Variants in CYP4F2 observed in about 807,000 individuals in gnomAD.
The protein encoded by CYP4F2 is cytochrome P450 family 4 subfamily F member 2.
In CYP4F2, 58 loss-of-function variants were observed where a neutral mutation model predicts 58.9. That is an observed-to-expected ratio of 0.98 (90% CI 0.80 to 1.23). The LOEUF (loss-of-function observed/expected upper bound fraction) is 1.23, where lower values mean the gene tolerates loss of function less well. CYP4F2 is among the 50% of genes most tolerant of loss of function. The pLI, the probability that CYP4F2 is intolerant of heterozygous loss-of-function variation, is 0.00. For missense variants in CYP4F2, 616 were observed against 685.6 expected (o/e 0.90, Z 1.13); for synonymous variants, 287 against 261.1 (o/e 1.10, Z -0.95).
chr19:15,892,802 C>T (rs1045925044), intron 3 of CYP4F2, among the ~76,000 whole-genome samples: 12 of 152,112 alleles, frequency 7.9e-5, no homozygotes, highest in African/African-American at 2.7e-4. Context: ...CCTAACATGG[C>T]GTGTAGGAGC....
chr19:15,880,381 C>A (rs2089336468), intron 9 of CYP4F2, among the ~76,000 whole-genome samples: 1 of 152,006 alleles, frequency 6.6e-6, no homozygotes, highest in Admixed American at 6.6e-5. Flanking sequence ...GTAATCCCAG[C>A]ACTTTGGGAG....
rs774787794 is a variant in CYP4F2 at position 15,895,506 on chromosome 19, C to G, written c.343G>C (p.Ala115Pro). The change falls in exon 3 of 13, where the codon GCT (alanine) becomes CCT (proline). Residue 115 changes from alanine to proline, a missense_variant and splice_region_variant. Ala to Pro is a conservative substitution (Grantham distance 27). Transcript: ENST00000221700. Reference sequence around the variant, plus strand: ...CCCCACCAGCTGTTCCAGATGGTACCTGAGGCGTTGATGACAGACCGGATG... The same window carrying G: ...CCCCACCAGCTGTTCCAGATGGTACGTGAGGCGTTGATGACAGACCGGATG... ...DIIRSVINAS[A>P]AIAPKDKFFY... 1 of 1,515,498 alleles carries G rather than the reference C, an allele frequency of 6.6e-7. No homozygotes were observed. The highest frequency in any genetic ancestry group is 2.6e-5 in the East Asian group (1 of 38,612). The allele number at this position is 1,515,498 out of a possible 1,614,324, so 93.9% of individuals were successfully genotyped here.
chr19:15,894,552 TC>T (rs1374603496), intron 3 of CYP4F2, among the ~76,000 whole-genome samples: 1 of 152,188 alleles, frequency 6.6e-6, no homozygotes, highest in Non-Finnish European at 1.5e-5. Context: ...GAGACCTGGA[TC>T]CAGCCATGCC....
At chr19:15,893,127 T>C (rs2089426888) in intron 3 of CYP4F2, among the ~76,000 whole-genome samples, 1 of 152,172 alleles carries the variant, frequency 6.6e-6, no homozygotes, top group South Asian at 2.1e-4. Flanking sequence ...ACATACAGGC[T>C]CTGGGTTGAA....
At chr19:15,887,388 A>T (rs4808402) in intron 7 of CYP4F2, among the ~76,000 whole-genome samples, 96,761 of 148,402 alleles carry the variant, frequency 0.65, 31,764 homozygotes, top group South Asian at 0.7. Context: ...ATACACAAAA[A>T]CACAGACTTA....
At chr19:15,886,972 T>A (rs1417610493) in intron 7 of CYP4F2, among the ~76,000 whole-genome samples, 1 of 152,224 alleles carries the variant, frequency 6.6e-6, no homozygotes, top group East Asian at 1.9e-4. Context: ...GACTTGAGGA[T>A]GAAGAGCCAG....
Position 15,897,688 on chromosome 19 carries a change from A to G in CYP4F2, c.-1-76T>C, listed in dbSNP as rs3093099. 9,905 of 1,558,200 alleles carry G rather than the reference A, an allele frequency of 6.4e-3. 453 individuals carry two copies. The African/African-American group carries it at 0.099, about 16-fold the overall frequency. On this transcript the variant is annotated intron_variant, in intron 1 of 12. Coordinates refer to ENST00000221700, the MANE Select transcript of CYP4F2 (RefSeq NM_001082.5). ...CCAGGGACCTCCAGGGACAGTGGAG[A>G]GGCAGGGACGGGCAGTGCCGGAGGT...
rs573072720 is a variant in CYP4F2 at position 15,887,573 on chromosome 19, C to T, written c.919-1265G>A. ...TTAGAAACACAGACACACAAATACA[C>T]GTAAACCTAGACATAGACACAGATA... On this transcript the variant is annotated intron_variant, in intron 7 of 12. Coordinates refer to ENST00000221700, the MANE Select transcript of CYP4F2 (RefSeq NM_001082.5). 4.3e-4 allele frequency among the ~76,000 whole-genome samples: 65 copies of T among 149,892 alleles called. No homozygotes were observed. In the East Asian group the frequency reaches 0.013, roughly 29 times the overall value.
In CYP4F2 at chr19:15,878,214, C is replaced by G. The variant is rs2089317507; in HGVS notation, c.*557G>C. The G allele has an allele frequency of 6.6e-6, 1 of 152,474 alleles. No homozygotes were observed. The highest frequency in any genetic ancestry group is 1.5e-5 in the Non-Finnish European group (1 of 68,260). The allele number at this position is 152,474 out of a possible 1,614,324, so 9.4% of individuals were successfully genotyped here. A position where few individuals can be genotyped will look rare whatever the true frequency, so the allele number is the denominator to read the frequency against. ...ATAGCATTTAGTGCACTCACAGTGT[C>G]GTGCTACCTTCGTCACTATCTAGGT... On this transcript the variant is annotated 3_prime_UTR_variant, in exon 13 of 13. Coordinates refer to ENST00000221700, the MANE Select transcript of CYP4F2 (RefSeq NM_001082.5).
Position 15,879,623 on chromosome 19 carries a change from G to A in CYP4F2, c.1295C>T (p.Ala432Val), listed in dbSNP as rs149904424. Residue 432 changes from alanine (A) to valine (V), a missense_variant, in exon 11 of 13, where the codon GCT becomes GTT. Physicochemically the swap from Ala to Val is moderately conservative, Grantham distance 64. Transcript: ENST00000221700. ...ISVFGTHHNPAVWPDPEVYDP... is the reference protein window; with the variant it reads ...ISVFGTHHNPVVWPDPEVYDP... The stretch of plus-strand genomic sequence containing the variant: ...CCGCACCTCAGGGTCCGGCCACACA[G>A]CTGGGTTGTGATGGGTTCCGAAAAC... 13 of 1,614,022 alleles carry A rather than the reference G, an allele frequency of 8.1e-6. No homozygotes were observed. The highest frequency in any genetic ancestry group is 1.1e-5 in the South Asian group (1 of 91,092).
At chr19:15,882,114 G>A (rs1037997014) in intron 9 of CYP4F2, among the ~76,000 whole-genome samples, 4 of 152,016 alleles carry the variant, frequency 2.6e-5, no homozygotes, top group East Asian at 3.9e-4. Flanking sequence ...GCGTGGTTGC[G>A]GGAGCCTGTA....
At chr19:15,897,987 C>G (rs540794749) in intron 1 of CYP4F2, 39 bp downstream of exon 1, 1 of 245,320 alleles carries the variant, frequency 4.1e-6, no homozygotes, top group Non-Finnish European at 7.8e-6. Context: ...CCATCCCAGG[C>G]CAGGACCCCC....
intron 2 of CYP4F2, 24 bp from the exon 3 acceptor site, chr19:15,895,674 A>C (rs748559152): frequency 2.5e-6 from 4 of 1,582,448 alleles, no homozygotes; most frequent in Non-Finnish European, 3.4e-6. Flanking sequence ...AGGGGTCATT[A>C]CCTTCTGTGA....
intron 7 of CYP4F2, 73 bp from the exon 8 acceptor site, chr19:15,886,381 G>A: frequency 6.4e-7 from 1 of 1,557,830 alleles, no homozygotes; most frequent in Non-Finnish European, 8.8e-7. Flanking sequence ...GGGCTCTTGA[G>A]TCTAATCTGA....
At chr19:15,897,942 C>G in intron 1 of CYP4F2, 84 bp downstream of exon 1, 1 of 301,530 alleles carries the variant, frequency 3.3e-6, no homozygotes, top group Non-Finnish European at 6.3e-6. Flanking sequence ...AGGCCAGCAC[C>G]CAGGAGCTGC....
At chr19:15,889,722 A>G in intron 6 of CYP4F2, 29 bp from the exon 7 acceptor site, 14 of 1,608,928 alleles carry the variant, frequency 8.7e-6, no homozygotes, top group Non-Finnish European at 1.2e-5. Context: ...AAGGGAGGCA[A>G]CAATTTAATA....
chr19:15,883,429 T>C (rs1387440039), intron 9 of CYP4F2, among the ~76,000 whole-genome samples: 2 of 152,098 alleles, frequency 1.3e-5, no homozygotes, highest in Admixed American at 6.5e-5. Context: ...CAATGAGATA[T>C]CATCTCATCC....
chr19:15,886,258 G>T lies in CYP4F2; in HGVS notation c.969C>A (p.Asp323Glu). Residue 323 changes from aspartate to glutamate, a missense_variant, in exon 8 of 13, where the codon GAC (aspartate) becomes GAA (glutamate). Transcript: ENST00000221700. Reference protein sequence around the residue: ...LSDEDIRAEADTFMFEGHDTT... With the variant: ...LSDEDIRAEAETFMFEGHDTT... The stretch of plus-strand genomic sequence containing the variant: ...GGCCCTCACCCTCAAACATAAAGGT[G>T]TCAGCTTCTGCTCTTATGTCCTCAT... 6.2e-7 allele frequency: 1 copy of T among 1,614,044 alleles called. No individual in the cohort carries two copies. Among genetic ancestry groups the T allele is most frequent in the Non-Finnish European group, 8.5e-7 (1 of 1,180,014 alleles).
chr19:15,883,038 G>C (rs2089354733), intron 9 of CYP4F2, among the ~76,000 whole-genome samples: 1 of 152,066 alleles, frequency 6.6e-6, no homozygotes, highest in Non-Finnish European at 1.5e-5. Context: ...TTGAAATCTG[G>C]ATTTTATACT....
Sources: allele counts gnomAD v4.1 joint callset (sites outside exome capture counted in the v4.1 genomes callset), GRCh38; gene constraint gnomAD v4.1.1; transcripts MANE v1.5; gene names NCBI Gene and HGNC (gene_info 2026-07-23, HGNC 2026-07-21).